The following MTX2 variants were observed in gnomAD, a reference collection of about 807,000 sequenced individuals.
MTX2 encodes metaxin-2.
Under a neutral mutation model 42.3 loss-of-function variants are expected in MTX2, and 35 were observed. That is an observed-to-expected ratio of 0.83 (90% CI 0.63 to 1.10). The LOEUF is 1.10. MTX2 is among the 50% of genes least tolerant of loss of function. The probability of loss-of-function intolerance (pLI) is 0.00; values close to 1 mark genes in which losing one functional copy is unlikely to be tolerated. For synonymous variants in MTX2, 119 were observed against 100.9 expected, an observed-to-expected ratio of 1.18 and a Z score of -1.08; for missense variants, 307 against 304.1, an observed-to-expected ratio of 1.01 and a Z score of -0.07.
At chr2:176,321,617 G>C (rs1047847458) in intron 3 of MTX2, among the ~76,000 whole-genome samples, 3 of 152,084 alleles carry the variant, frequency 2.0e-5, no homozygotes, top group African/African-American at 7.2e-5. Flanking sequence ...TCATGGTTCT[G>C]TTTGGCTGCT....
chr2:176,335,872 T>G (rs1684976398), intron 9 of MTX2, among the ~76,000 whole-genome samples: 1 of 152,104 alleles, frequency 6.6e-6, no homozygotes. Flanking sequence ...ATGTAGGCAT[T>G]TGAATGTATG....
chr2:176,278,700 C>T (rs1693007063), intron 1 of MTX2, among the ~76,000 whole-genome samples: 1 of 151,948 alleles, frequency 6.6e-6, no homozygotes, highest in African/African-American at 2.4e-5. Context: ...TCTTGATAAG[C>T]AGTTATCAGA....
chr2:176,311,895 C>T (rs1575051851), intron 3 of MTX2, among the ~76,000 whole-genome samples: 1 of 152,190 alleles, frequency 6.6e-6, no homozygotes, highest in Admixed American at 6.5e-5. Context: ...TCCTAGCCCT[C>T]CATGGGCTGC....
chr2:176,321,479 G>A (rs1684581609), intron 3 of MTX2, among the ~76,000 whole-genome samples: 1 of 152,124 alleles, frequency 6.6e-6, no homozygotes, highest in South Asian at 2.1e-4. Context: ...CAATATAGTG[G>A]TAGCTTAAAA....
chr2:176,278,094 A>G (rs1487778574), intron 1 of MTX2, among the ~76,000 whole-genome samples: 1 of 114,814 alleles, frequency 8.7e-6, no homozygotes, highest in African/African-American at 3.5e-5. Flanking sequence ...TCTGTTGCCC[A>G]GGCTGGAGTG....
Position 176,337,933 on chromosome 2 carries a change from G to T in MTX2, c.*269G>T. 4.4e-6 allele frequency: 1 copy of T among 225,428 alleles called. No homozygotes were observed. 14.0% of individuals were successfully genotyped at this position (225,428 alleles called of 1,614,324 possible). Reference sequence around the variant, plus strand: ...ATTTAAAAATAAAGCTTAAACAACTGTATGGATGTTACATTTACTTTCTTT... The same window carrying T: ...ATTTAAAAATAAAGCTTAAACAACTTTATGGATGTTACATTTACTTTCTTT... On this transcript the variant is annotated 3_prime_UTR_variant, in exon 10 of 10. Transcript: ENST00000249442.
At chr2:176,282,197 T>C (rs1221087614) in intron 1 of MTX2, among the ~76,000 whole-genome samples, 3 of 136,924 alleles carry the variant, frequency 2.2e-5, no homozygotes, top group African/African-American at 8.1e-5. Context: ...AAAGACCTGC[T>C]TGTATTTTCT....
At chr2:176,292,262 G>A (rs1205397901) in intron 1 of MTX2, among the ~76,000 whole-genome samples, 1 of 152,142 alleles carries the variant, frequency 6.6e-6, no homozygotes, top group Non-Finnish European at 1.5e-5. Flanking sequence ...GGTGAGTCAT[G>A]ACATTTTATT....
At chr2:176,277,812 C>T (rs903494153) in intron 1 of MTX2, among the ~76,000 whole-genome samples, 2 of 151,640 alleles carry the variant, frequency 1.3e-5, no homozygotes, top group Admixed American at 6.6e-5. Context: ...GTTATTGGAC[C>T]GACCGTCACG....
intron 1 of MTX2, among the ~76,000 whole-genome samples, chr2:176,281,897 T>C (rs1184257186): frequency 2.6e-5 from 4 of 152,080 alleles, no homozygotes; most frequent in Non-Finnish European, 5.9e-5. Context: ...AAATACTCCT[T>C]TATTCTCACC....
At position 176,327,712 on chromosome 2, in the gene MTX2, C is replaced by T. The variant is rs372104286; in HGVS notation, c.286-581C>T. Among the ~76,000 whole-genome samples, 140 of 150,506 alleles carry T rather than the reference C, an allele frequency of 9.3e-4. 6 individuals are homozygous for T. In the South Asian group the frequency reaches 0.029, roughly 31 times the overall value. ...ACTAAGATAAATTTTCTTATATATA[C>T]ATCTTTGTATAAATTCCTAAGGTTG... On this transcript the variant is annotated intron_variant, in intron 5 of 9. Transcript: ENST00000249442.
chr2:176,311,390 T>C (rs1195601471), intron 3 of MTX2, among the ~76,000 whole-genome samples: 1 of 152,186 alleles, frequency 6.6e-6, no homozygotes, highest in African/African-American at 2.4e-5. Flanking sequence ...TTGTGTCTGT[T>C]CTCAGAGCTC....
At chr2:176,329,096 T>C (rs1006624480) in intron 7 of MTX2, among the ~76,000 whole-genome samples, 184 bp downstream of exon 7, 1 of 151,298 alleles carries the variant, frequency 6.6e-6, no homozygotes, top group Non-Finnish European at 1.5e-5. Flanking sequence ...TTGTTTGATA[T>C]AACGGGTTGC....
chr2:176,314,328 T>A (rs1684386386), intron 3 of MTX2, among the ~76,000 whole-genome samples: 1 of 152,024 alleles, frequency 6.6e-6, no homozygotes, highest in South Asian at 2.1e-4. Flanking sequence ...TCCCACCTAC[T>A]TGGGAGGCTG....
At chr2:176,285,011 G>T (rs1693162558) in intron 1 of MTX2, among the ~76,000 whole-genome samples, 1 of 152,180 alleles carries the variant, frequency 6.6e-6, no homozygotes, top group Non-Finnish European at 1.5e-5. Flanking sequence ...AACTACTGTT[G>T]TAAGATAATT....
At chr2:176,278,989 G>A (rs1693016448) in intron 1 of MTX2, among the ~76,000 whole-genome samples, 1 of 152,040 alleles carries the variant, frequency 6.6e-6, no homozygotes, top group African/African-American at 2.4e-5. Flanking sequence ...AATTTGATTG[G>A]TTGGTAATAA....
chr2:176,301,420 C>G (rs1237208452), intron 3 of MTX2, among the ~76,000 whole-genome samples: 1 of 152,082 alleles, frequency 6.6e-6, no homozygotes, highest in Admixed American at 6.6e-5. Context: ...TTCATATTAA[C>G]CCATTTAATC....
intron 3 of MTX2, among the ~76,000 whole-genome samples, chr2:176,316,533 C>G (rs1237973149): frequency 6.6e-6 from 1 of 152,078 alleles, no homozygotes; most frequent in East Asian, 1.9e-4. Context: ...TCCCAAGTAG[C>G]TGGGACTACA....
At chr2:176,320,035 G>C (rs1684540252) in intron 3 of MTX2, among the ~76,000 whole-genome samples, 1 of 152,036 alleles carries the variant, frequency 6.6e-6, no homozygotes, top group South Asian at 2.1e-4. Flanking sequence ...ACTTTTTTGT[G>C]AACTACAGAT....
Sources: allele counts gnomAD v4.1 joint callset (sites outside exome capture counted in the v4.1 genomes callset), GRCh38; gene constraint gnomAD v4.1.1; transcripts MANE v1.5; gene names NCBI Gene and HGNC (gene_info 2026-07-23, HGNC 2026-07-21).